Variants in GRK5 observed in about 807,000 individuals in gnomAD.
GRK5 encodes the protein g protein-coupled receptor kinase GRK5.
Under a neutral mutation model 78.4 loss-of-function variants are expected in GRK5, and 40 were observed. The ratio of observed to expected loss-of-function variants is 0.51; its 90% CI spans 0.40 to 0.66. GRK5 has a LOEUF of 0.66. Ranked by LOEUF, GRK5 falls within the 30% of genes least tolerant of loss-of-function variation. The probability of loss-of-function intolerance (pLI) is 0.00; values close to 1 mark genes in which losing one functional copy is unlikely to be tolerated. For synonymous variants in GRK5, 289 were observed against 296.8 expected, an observed-to-expected ratio of 0.97 and a Z score of 0.27; for missense variants, 598 against 759.9, an observed-to-expected ratio of 0.79 and a Z score of 2.50.
At chr10:119,322,437 G>C (rs1370874328) in intron 1 of GRK5, among the ~76,000 whole-genome samples, 1 of 152,230 alleles carries the variant, frequency 6.6e-6, no homozygotes, top group Non-Finnish European at 1.5e-5. Flanking sequence ...CGTCGCTGGG[G>C]TTGGGAACCA....
intron 1 of GRK5, among the ~76,000 whole-genome samples, chr10:119,209,126 A>C (rs904015962): frequency 1.3e-5 from 2 of 152,178 alleles, no homozygotes; most frequent in Non-Finnish European, 2.9e-5. Context: ...GAATGAAGGG[A>C]AGAATTTCTG....
chr10:119,262,586 C>T (rs1307836369), intron 1 of GRK5, among the ~76,000 whole-genome samples: 1 of 152,094 alleles, frequency 6.6e-6, no homozygotes, highest in Non-Finnish European at 1.5e-5. Context: ...TCATGATCCG[C>T]CCACCTCAGC....
At chr10:119,385,972 C>T (rs1851787703) in intron 3 of GRK5, among the ~76,000 whole-genome samples, 1 of 152,078 alleles carries the variant, frequency 6.6e-6, no homozygotes, top group African/African-American at 2.4e-5. Context: ...GCAACCTCTG[C>T]CTCCCGAGCT....
chr10:119,409,615 C>T (rs1175609964), intron 4 of GRK5, among the ~76,000 whole-genome samples: 1 of 152,160 alleles, frequency 6.6e-6, no homozygotes, highest in African/African-American at 2.4e-5. Flanking sequence ...GGCAGGCCCT[C>T]CCCATCCGTG....
At chr10:119,349,266 G>A (rs1424990052) in intron 2 of GRK5, among the ~76,000 whole-genome samples, 1 of 152,170 alleles carries the variant, frequency 6.6e-6, no homozygotes, top group Non-Finnish European at 1.5e-5. Context: ...CAGCTTCATT[G>A]TCACAAAAAA....
intron 2 of GRK5, among the ~76,000 whole-genome samples, chr10:119,368,866 T>G (rs1298472424): frequency 6.6e-6 from 1 of 152,186 alleles, no homozygotes; most frequent in African/African-American, 2.4e-5. Flanking sequence ...GAAGCCACCT[T>G]AGGCACAGCC....
intron 1 of GRK5, among the ~76,000 whole-genome samples, chr10:119,226,263 C>T (rs1221424942): frequency 6.6e-6 from 1 of 151,300 alleles, no homozygotes; most frequent in Non-Finnish European, 1.5e-5. Flanking sequence ...CAGGTGTGAG[C>T]CACTGTGCCT....
intron 2 of GRK5, among the ~76,000 whole-genome samples, chr10:119,367,920 C>T (rs1440093509): frequency 9.2e-5 from 14 of 152,242 alleles, no homozygotes; most frequent in Admixed American, 8.5e-4. Context: ...CCGTGATCCT[C>T]GCTAGACCCC....
At chr10:119,344,955 C>G (rs1851062842) in intron 2 of GRK5, among the ~76,000 whole-genome samples, 1 of 132,412 alleles carries the variant, frequency 7.6e-6, no homozygotes, top group Non-Finnish European at 1.7e-5. Context: ...TCCCTCCCTC[C>G]CTCGCTCCTT....
At chr10:119,313,103 A>AATG (rs1277064168) in intron 1 of GRK5, among the ~76,000 whole-genome samples, 6 of 48,502 alleles carry the variant, frequency 1.2e-4, no homozygotes, top group South Asian at 6.3e-4. Context: ...TGGTGATGGT[A>AATG]ATGATGGTAG....
At position 119,431,348 on chromosome 10, in the gene GRK5, C is replaced by A; in HGVS notation, c.598-39C>A. ...TGGAGGAGCTCGGGGCAGGCCTCCA[C>A]GGTGCTCCTGCCACCCTGGTTTCTT... On this transcript the variant is annotated intron_variant, in intron 7 of 15. Transcript: ENST00000392870. The surrounding 1 kb of genome is among the most constrained non-coding windows in gnomAD (Gnocchi z 4.8). 3.1e-6 allele frequency: 5 copies of A among 1,594,178 alleles called. No individual in the cohort carries two copies. Among genetic ancestry groups the A allele is most frequent in the Non-Finnish European group, 4.3e-6 (5 of 1,169,912 alleles).
At chr10:119,300,560 G>A (rs573292730) in intron 1 of GRK5, among the ~76,000 whole-genome samples, 10 of 152,274 alleles carry the variant, frequency 6.6e-5, no homozygotes, top group African/African-American at 1.7e-4. Context: ...CCAGATAGTC[G>A]CCCAGCTTAT....
intron 2 of GRK5, among the ~76,000 whole-genome samples, chr10:119,366,734 C>T (rs952267417): frequency 1.3e-5 from 2 of 152,090 alleles, no homozygotes; most frequent in Non-Finnish European, 2.9e-5. Flanking sequence ...ACAGGGGTGC[C>T]TCCTCCCCAC....
intron 4 of GRK5, among the ~76,000 whole-genome samples, chr10:119,398,559 C>T (rs1045828348): frequency 3.3e-5 from 5 of 152,310 alleles, no homozygotes; most frequent in Admixed American, 1.3e-4. Flanking sequence ...CATCTGTGCC[C>T]CCATAGGGCT....
rs527475515 is a variant in GRK5 at position 119,407,074 on chromosome 10, C to T, written c.339+10302C>T. Among the ~76,000 whole-genome samples the T allele has an allele frequency of 6.6e-4, 101 of 152,336 alleles. 1 individual carries two copies. In the South Asian group the frequency reaches 0.02, roughly 30 times the overall value. ...GCACGCAGTTTTATCTGCAGATTCC[C>T]AGCGTGCAAACAGATAAAAAGATCT... On this transcript the variant is annotated intron_variant, in intron 4 of 15. Coordinates refer to ENST00000392870, the MANE Select transcript of GRK5 (RefSeq NM_005308.3).
At position 119,412,905 on chromosome 10, in the gene GRK5, T is replaced by A. The variant is rs1412041251; in HGVS notation, c.340-10261T>A. On this transcript the variant is annotated intron_variant, in intron 4 of 15. Transcript: ENST00000392870. The surrounding 1 kb of genome is among the most constrained non-coding windows in gnomAD (Gnocchi z 4.3). ...CTGCAGCTGGGTGAGCAGGGCTGAG[T>A]GAGCTCAGGGAATCGGAGCTCGGCG... is the stretch of plus-strand genomic sequence containing the variant. Among the ~76,000 whole-genome samples the A allele has an allele frequency of 1.3e-5, 2 of 152,150 alleles. No individual in the cohort carries two copies. Among genetic ancestry groups the A allele is most frequent in the African/African-American group, 4.8e-5 (2 of 41,420 alleles).
intron 1 of GRK5, among the ~76,000 whole-genome samples, chr10:119,292,488 C>T (rs926897541): frequency 8.6e-4 from 131 of 152,176 alleles, no homozygotes; most frequent in African/African-American, 3.1e-3. Context: ...AACCCAATAC[C>T]CTAAACCTCC....
At chr10:119,256,502 C>T (rs1849288072) in intron 1 of GRK5, among the ~76,000 whole-genome samples, 1 of 152,188 alleles carries the variant, frequency 6.6e-6, no homozygotes. Context: ...AACAACCAGG[C>T]CCTGCTGCCT....
rs1362469358 is a variant in GRK5 at position 119,271,981 on chromosome 10, G to A, written c.53-54535G>A. 6.6e-6 allele frequency among the ~76,000 whole-genome samples: 1 copy of A among 152,220 alleles called. No homozygotes were observed. The highest frequency in any genetic ancestry group is 1.5e-5 in the Non-Finnish European group (1 of 68,024). ...TTTTGTGGGCTTGCCACAGTCTCAT[G>A]ACTCTGCTGGGAAGAGCCTTCCTGC... is the stretch of plus-strand genomic sequence containing the variant. On this transcript the variant is annotated intron_variant, in intron 1 of 15. Coordinates refer to ENST00000392870, the MANE Select transcript of GRK5 (RefSeq NM_005308.3). This position sits in a 1 kb window ranked among gnomAD's most constrained non-coding sequence, Gnocchi z 4.1.
Sources: allele counts gnomAD v4.1 joint callset (sites outside exome capture counted in the v4.1 genomes callset), GRCh38; gene constraint gnomAD v4.1.1; non-coding constraint Gnocchi (gnomAD v3.1); transcripts MANE v1.5; gene names NCBI Gene and HGNC (gene_info 2026-07-23, HGNC 2026-07-21).